Variants in HS6ST3 observed in about 807,000 individuals in gnomAD.
HS6ST3 encodes heparan sulfate 6-O-sulfotransferase 3.
HS6ST3 carries 12 observed loss-of-function variants against 36.7 expected under a neutral mutation model. The ratio of observed to expected loss-of-function variants is 0.33; its 90% confidence interval spans 0.21 to 0.53. The LOEUF (loss-of-function observed/expected upper bound fraction) is 0.53. Ranked by LOEUF, HS6ST3 falls within the 20% of genes least tolerant of loss-of-function variation. The pLI is 0.95. For missense variants in HS6ST3, 584 were observed against 640.9 expected (o/e 0.91, Z 0.96); for synonymous variants, 240 against 257.5 (o/e 0.93, Z 0.65).
intron 1 of HS6ST3, among the ~76,000 whole-genome samples, chr13:96,391,620 G>A (rs951669077): frequency 1.3e-5 from 2 of 152,156 alleles, no homozygotes; most frequent in African/African-American, 4.8e-5. Context: ...CCACATGGCT[G>A]GGGAGGCCTC....
intron 1 of HS6ST3, chr13:96,427,378 C>G (rs1365027006): frequency 2.0e-5 from 3 of 152,324 alleles, no homozygotes; most frequent in Non-Finnish European, 4.4e-5. Flanking sequence ...AGGTTAGCTT[C>G]TTTCTCCCCT....
At chr13:96,407,940 G>A (rs529921460) in intron 1 of HS6ST3, among the ~76,000 whole-genome samples, 2 of 151,980 alleles carry the variant, frequency 1.3e-5, no homozygotes, top group South Asian at 2.1e-4. Context: ...GATTTTTAGC[G>A]TTATTATTAT....
chr13:96,552,382 T>C (rs539793250), intron 1 of HS6ST3, among the ~76,000 whole-genome samples: 1 of 152,198 alleles, frequency 6.6e-6, no homozygotes, highest in Non-Finnish European at 1.5e-5. Flanking sequence ...CCAGCTACTC[T>C]GAAGGTGACA....
At position 96,558,994 on chromosome 13, in the gene HS6ST3, G is replaced by C. The variant is rs527729208; in HGVS notation, c.708-273496G>C. On this transcript the variant is annotated intron_variant, in intron 1 of 1. Transcript: ENST00000376705. ...CTTGTGTTTTTTTAAATCATATTTT[G>C]ACTTCAGAAGGAAGCTCTGCTAGCA... Among the ~76,000 whole-genome samples, 13 of 152,112 alleles carry C rather than the reference G, an allele frequency of 8.5e-5. No homozygotes were observed. The East Asian group carries it at 2.5e-3, about 29-fold the overall frequency.
intron 1 of HS6ST3, among the ~76,000 whole-genome samples, chr13:96,361,335 T>C (rs537867217): frequency 6.6e-6 from 1 of 152,322 alleles, no homozygotes; most frequent in South Asian, 2.1e-4. Context: ...AAAACCCTTT[T>C]GGCTCTTTTT....
chr13:96,706,264 G>A (rs1875419760), intron 1 of HS6ST3, among the ~76,000 whole-genome samples: 1 of 151,778 alleles, frequency 6.6e-6, no homozygotes, highest in African/African-American at 2.4e-5. Flanking sequence ...TTGAGATTCT[G>A]TGTTACACCC....
chr13:96,240,678 A>C (rs1223117045), intron 1 of HS6ST3, among the ~76,000 whole-genome samples: 1 of 152,220 alleles, frequency 6.6e-6, no homozygotes, highest in Non-Finnish European at 1.5e-5. Flanking sequence ...CAGGAGATGA[A>C]CTAAGAAGAC....
intron 1 of HS6ST3, among the ~76,000 whole-genome samples, chr13:96,122,121 A>ATTATTATTATTATTG (rs1433773800): frequency 2.8e-4 from 41 of 148,060 alleles, no homozygotes; most frequent in Non-Finnish European, 5.8e-4. Context: ...TATTATTATT[A>ATTATTATTATTATTG]TTATTATTAT....
chr13:96,301,936 T>TAAC (rs1328865568), intron 1 of HS6ST3, among the ~76,000 whole-genome samples: 6 of 146,590 alleles, frequency 4.1e-5, no homozygotes, highest in Non-Finnish European at 8.9e-5. Context: ...ATAATAATAA[T>TAAC]AATAATAATT....
chr13:96,465,646 T>G (rs1315601894), intron 1 of HS6ST3, among the ~76,000 whole-genome samples: 1 of 152,104 alleles, frequency 6.6e-6, no homozygotes, highest in Non-Finnish European at 1.5e-5. Context: ...TGATCGTGGA[T>G]GGAGCAAAAA....
chr13:96,531,077 T>C (rs112910517), intron 1 of HS6ST3, among the ~76,000 whole-genome samples: 5 of 152,282 alleles, frequency 3.3e-5, no homozygotes, highest in African/African-American at 4.8e-5. Context: ...ATCTCTAATA[T>C]CTCCAATATA....
chr13:96,710,523 A>G (rs1432815632), intron 1 of HS6ST3, among the ~76,000 whole-genome samples: 2 of 152,276 alleles, frequency 1.3e-5, no homozygotes, highest in Non-Finnish European at 2.9e-5. Context: ...CTCTGCAAGT[A>G]AATACACATG....
intron 1 of HS6ST3, among the ~76,000 whole-genome samples, chr13:96,170,200 C>T (rs536201077): frequency 6.7e-4 from 102 of 152,226 alleles, no homozygotes; most frequent in Non-Finnish European, 1.3e-3. Flanking sequence ...TAAATGACAC[C>T]GGGTGCTCTA....
intron 1 of HS6ST3, among the ~76,000 whole-genome samples, chr13:96,327,046 T>G (rs1481992469): frequency 2.1e-5 from 3 of 140,808 alleles, no homozygotes; most frequent in Non-Finnish European, 4.6e-5. Context: ...TTCTTGTAAA[T>G]TTTTTTGAGT....
chr13:96,552,113 G>C (rs1220281075), intron 1 of HS6ST3, among the ~76,000 whole-genome samples: 1 of 152,038 alleles, frequency 6.6e-6, no homozygotes, highest in Non-Finnish European at 1.5e-5. Context: ...AATGGAATTT[G>C]GTTTATTTCC....
At chr13:96,364,838 G>A (rs1260445177) in intron 1 of HS6ST3, among the ~76,000 whole-genome samples, 1 of 152,156 alleles carries the variant, frequency 6.6e-6, no homozygotes, top group African/African-American at 2.4e-5. Context: ...AAGACTTTAA[G>A]TCAACGGCTG....
intron 1 of HS6ST3, among the ~76,000 whole-genome samples, chr13:96,125,230 T>C (rs1470837065): frequency 6.6e-6 from 1 of 152,146 alleles, no homozygotes; most frequent in Non-Finnish European, 1.5e-5. Context: ...GTGGTTTTAA[T>C]AGAATATCCT....
intron 1 of HS6ST3, among the ~76,000 whole-genome samples, chr13:96,451,142 A>C (rs528062912): frequency 6.6e-6 from 1 of 152,088 alleles, no homozygotes; most frequent in Non-Finnish European, 1.5e-5. Context: ...ATGTAATTTA[A>C]TGTGTAATAG....
In HS6ST3 at chr13:96,318,362, T is replaced by C. The variant is rs1340470370; in HGVS notation, c.707+226793T>C. On this transcript the variant is annotated intron_variant, in intron 1 of 1. Coordinates refer to ENST00000376705, the MANE Select transcript of HS6ST3 (RefSeq NM_153456.4). Reference sequence around the variant, plus strand: ...GGCTGGCCAACATGGCAAAACCCTGTCTTTACTGAAAATACAAAAATTAGC... The same window carrying C: ...GGCTGGCCAACATGGCAAAACCCTGCCTTTACTGAAAATACAAAAATTAGC... Among the ~76,000 whole-genome samples, 5 of 152,012 alleles carry C rather than the reference T, an allele frequency of 3.3e-5. No homozygotes were observed. In the East Asian group the frequency reaches 9.7e-4, roughly 29 times the overall value.
Sources: allele counts gnomAD v4.1 joint callset (sites outside exome capture counted in the v4.1 genomes callset), GRCh38; gene constraint gnomAD v4.1.1; transcripts MANE v1.5; gene names NCBI Gene and HGNC (gene_info 2026-07-23, HGNC 2026-07-21).